The following DDR2 variants were observed in gnomAD, a reference collection of about 807,000 sequenced individuals.
The protein encoded by DDR2 is discoidin domain-containing receptor 2.
A neutral mutation model predicts 94.9 loss-of-function variants in DDR2; 27 were observed. That is an observed-to-expected ratio of 0.28 (90% confidence interval 0.21 to 0.39). The LOEUF is 0.39. Ranked by LOEUF, DDR2 falls within the 10% of genes least tolerant of loss-of-function variation. The pLI is 1.00. For missense variants in DDR2, 783 were observed against 1,076.0 expected, an observed-to-expected ratio of 0.73 and a Z score of 3.81; for synonymous variants, 382 against 377.2, an observed-to-expected ratio of 1.01 and a Z score of -0.15.
At chr1:162,753,326 C>G (rs1663304900) in intron 4 of DDR2, 129 bp downstream of exon 4, 2 of 824,804 alleles carry the variant, frequency 2.4e-6, no homozygotes, top group South Asian at 2.9e-5. Flanking sequence ...GAAGGACAGA[C>G]AGCAAGTGGG....
intron 1 of DDR2, among the ~76,000 whole-genome samples, chr1:162,646,334 C>T (rs1207599049): frequency 6.6e-6 from 1 of 152,154 alleles, no homozygotes; most frequent in East Asian, 1.9e-4. Flanking sequence ...CATTTGTGGT[C>T]TTTCCTTTAA....
chr1:162,758,657 A>T (rs1358783698), intron 7 of DDR2, among the ~76,000 whole-genome samples: 1 of 152,222 alleles, frequency 6.6e-6, no homozygotes, highest in African/African-American at 2.4e-5. Context: ...AGGCCAGTCA[A>T]ATTTTATAAT....
At chr1:162,634,826 C>T (rs552794218) in intron 1 of DDR2, among the ~76,000 whole-genome samples, 3 of 152,340 alleles carry the variant, frequency 2.0e-5, no homozygotes, top group Admixed American at 6.5e-5. Flanking sequence ...TCAGACAAGA[C>T]TGACATTTGA....
At chr1:162,635,412 C>T (rs750905274) in intron 1 of DDR2, among the ~76,000 whole-genome samples, 1 of 152,170 alleles carries the variant, frequency 6.6e-6, no homozygotes, top group African/African-American at 2.4e-5. Context: ...CACTTCACAT[C>T]ACCCTCACCT....
chr1:162,676,938 T>C (rs997987524), intron 2 of DDR2, among the ~76,000 whole-genome samples: 1 of 152,186 alleles, frequency 6.6e-6, no homozygotes, highest in Admixed American at 6.5e-5. Context: ...ATTTTCTTTA[T>C]AGTGGAAAAG....
Position 162,717,739 on chromosome 1 carries a change from T to A in DDR2, c.-27-1298T>A, listed in dbSNP as rs73024570. Among the ~76,000 whole-genome samples the A allele has an allele frequency of 7.6e-3, 1,158 of 152,268 alleles. 18 individuals are homozygous for A. Among genetic ancestry groups the A allele is most frequent in the East Asian group, 0.035 (179 of 5,178 alleles). On this transcript the variant is annotated intron_variant, in intron 2 of 17. Transcript: ENST00000367921. Reference sequence around the variant, plus strand: ...GAGGTAATAGGTTTTTGGGAGGAAGTCCACAGAGGTAAAGTGTCATTTTCA... The same window carrying A: ...GAGGTAATAGGTTTTTGGGAGGAAGACCACAGAGGTAAAGTGTCATTTTCA...
intron 2 of DDR2, among the ~76,000 whole-genome samples, chr1:162,702,098 T>C (rs1455485961): frequency 6.6e-6 from 1 of 152,160 alleles, no homozygotes; most frequent in Non-Finnish European, 1.5e-5. Context: ...GTTCTTTTTA[T>C]TAGTTTTAGT....
At chr1:162,640,943 A>T (rs529883322) in intron 1 of DDR2, among the ~76,000 whole-genome samples, 123 of 152,114 alleles carry the variant, frequency 8.1e-4, no homozygotes, top group African/African-American at 2.9e-3. Context: ...TTTTGTAGAG[A>T]TGAGGTTTCA....
At chr1:162,700,663 C>G (rs1647145875) in intron 2 of DDR2, among the ~76,000 whole-genome samples, 1 of 152,134 alleles carries the variant, frequency 6.6e-6, no homozygotes, top group Non-Finnish European at 1.5e-5. Context: ...CATGTTAAAG[C>G]ATACATTGTA....
chr1:162,689,732 C>T (rs937054699), intron 2 of DDR2, among the ~76,000 whole-genome samples: 11 of 150,682 alleles, frequency 7.3e-5, no homozygotes, highest in East Asian at 2.0e-4. Flanking sequence ...AGCTGGGTGC[C>T]GTGGCTCACG....
chr1:162,770,604 A>G, intron 12 of DDR2, 92 bp downstream of exon 12: 1 of 1,246,212 alleles, frequency 8.0e-7, no homozygotes, highest in Non-Finnish European at 1.2e-6. Flanking sequence ...CATTGCATCT[A>G]TTTTTAGTCT....
chr1:162,709,082 G>T (rs891160069), intron 2 of DDR2, among the ~76,000 whole-genome samples: 2 of 152,160 alleles, frequency 1.3e-5, no homozygotes, highest in African/African-American at 2.4e-5. Context: ...ATTTTTACAG[G>T]TGAGAAGACA....
At chr1:162,755,569 C>T in intron 6 of DDR2, 95 bp from the exon 7 acceptor site, 1 of 1,235,584 alleles carries the variant, frequency 8.1e-7, no homozygotes, top group Non-Finnish European at 1.2e-6. Context: ...TCCTGCTGGA[C>T]ACGCTGTGCA....
Position 162,780,231 on chromosome 1 carries a change from A to G in DDR2, c.2553A>G (p.Gln851=), listed in dbSNP as rs1055595357. The G allele has an allele frequency of 6.2e-7, 1 of 1,613,840 alleles. No individual in the cohort carries two copies. Among genetic ancestry groups the G allele is most frequent in the Non-Finnish European group, 8.5e-7 (1 of 1,179,880 alleles). Residue 851 remains glutamine (Q), a synonymous_variant, in exon 18 of 18, where the codon CAA becomes CAG. Coordinates refer to ENST00000367921, the MANE Select transcript of DDR2 (RefSeq NM_006182.4). ...SFQEIHLLLL[Q]QGDE is the part of the protein sequence containing the mutation. ...AAGAAATCCACCTTCTGCTCCTTCA[A>G]CAAGGCGACGAGTGATGCTGTCAGT...
chr1:162,697,281 G>C (rs1402626258), intron 2 of DDR2, among the ~76,000 whole-genome samples: 1 of 152,094 alleles, frequency 6.6e-6, no homozygotes, highest in Non-Finnish European at 1.5e-5. Flanking sequence ...AGTGCACAGA[G>C]CACCTCAACT....
chr1:162,750,484 A>G (rs1300043785), intron 3 of DDR2, among the ~76,000 whole-genome samples: 11 of 152,082 alleles, frequency 7.2e-5, no homozygotes, highest in Non-Finnish European at 8.8e-5. Flanking sequence ...ACTGCTCAAC[A>G]AAGTAAAAGA....
Position 162,780,431 on chromosome 1 carries a change from T to TACA in DDR2, c.*185_*186insACA. On this transcript the variant is annotated 3_prime_UTR_variant, in exon 18 of 18. Coordinates refer to ENST00000367921, the MANE Select transcript of DDR2 (RefSeq NM_006182.4). ...CTGACTCATATACACTTTTTTTTTTTTTTACATTAAAGAACTAAAAAAGGA... is the reference window on the plus strand; with the variant it reads ...CTGACTCATATACACTTTTTTTTTTTACATTTACATTAAAGAACTAAAAAAGGA... 2.5e-6 allele frequency: 2 copies of TACA among 796,262 alleles called. No individual in the cohort carries two copies. The highest frequency in any genetic ancestry group is 1.7e-5 in the African/African-American group (1 of 57,164). The allele number at this position is 796,262 out of a possible 1,614,324, so 49.3% of individuals were successfully genotyped here.
chr1:162,647,602 T>C (rs1657479002), intron 1 of DDR2, among the ~76,000 whole-genome samples: 1 of 152,206 alleles, frequency 6.6e-6, no homozygotes, highest in African/African-American at 2.4e-5. Context: ...AAGGAGTGGA[T>C]AATTCGTGAG....
At position 162,770,042 on chromosome 1, in the gene DDR2, T is replaced by C. The variant is rs139480125; in HGVS notation, c.1294-260T>C. Among the ~76,000 whole-genome samples the C allele has an allele frequency of 4.2e-3, 641 of 151,330 alleles. 17 individuals are homozygous for C. The highest frequency in any genetic ancestry group is 2.8e-3 in the Non-Finnish European group (189 of 67,750). ...TCTTATAGCAACAGGGAGATAATCT[T>C]TTTTTTTTAAGTGTTTCAGAAAGCA... On this transcript the variant is annotated intron_variant, in intron 11 of 17. Transcript: ENST00000367921.
Sources: allele counts gnomAD v4.1 joint callset (sites outside exome capture counted in the v4.1 genomes callset), GRCh38; gene constraint gnomAD v4.1.1; transcripts MANE v1.5; gene names NCBI Gene and HGNC (gene_info 2026-07-23, HGNC 2026-07-21).